The following C2CD3 variants were observed in gnomAD, a reference collection of about 807,000 sequenced individuals.
C2CD3 encodes C2 domain containing 3 centriole elongation regulator.
A neutral mutation model predicts 234.0 loss-of-function variants in C2CD3; 148 were observed. The observed-to-expected ratio is 0.63, with a 90% CI of 0.55 to 0.72. C2CD3 has a LOEUF of 0.72. C2CD3 is among the 30% of genes least tolerant of loss of function. C2CD3 has a pLI of 0.00. For synonymous variants in C2CD3, 1,000 were observed against 1,035.4 expected, an observed-to-expected ratio of 0.97 and a Z score of 0.66; for missense variants, 2,577 against 2,811.5, an observed-to-expected ratio of 0.92 and a Z score of 1.89.
At chr11:74,093,357 A>G (rs894240306) in intron 18 of C2CD3, among the ~76,000 whole-genome samples, 1 of 147,960 alleles carries the variant, frequency 6.8e-6, no homozygotes, top group African/African-American at 2.5e-5. Context: ...TATATAAATT[A>G]TATTATTAAA....
rs770771072 is a variant in C2CD3, at chr11:74,161,485, C to G, written c.397G>C (p.Gly133Arg). The change falls in exon 3 of 33, where the codon GGA becomes CGA. Residue 133 changes from glycine (G) to arginine (R), a missense_variant. Physicochemically the swap from Gly to Arg is moderately radical, Grantham distance 125. Transcript: ENST00000334126. ...TGGGTTGGAGAAAGTTGAGCTAGTC[C>G]ATTGATCTGAACTCTACCAATTGGA... ...GLPIGRVQIN[G>R]LAQLSPTHQI... 1 of 1,600,068 alleles carries G rather than the reference C, an allele frequency of 6.2e-7. No homozygotes were observed. The highest frequency in any genetic ancestry group is 2.3e-5 in the East Asian group (1 of 44,072).
intron 30 of C2CD3, 153 bp from the exon 31 acceptor site, chr11:74,034,431 A>T: frequency 6.5e-7 from 1 of 1,533,678 alleles, no homozygotes; most frequent in Non-Finnish European, 8.8e-7. Context: ...GTGAGACTAT[A>T]TTCAAGGCGG....
At chr11:74,168,206 T>C (rs1301737333) in intron 2 of C2CD3, 138 bp downstream of exon 2, 1 of 677,380 alleles carries the variant, frequency 1.5e-6, no homozygotes, top group Non-Finnish European at 2.5e-6. Flanking sequence ...AAGAAAAATG[T>C]CTACTATAAA....
At chr11:74,013,982 T>C (rs1460653468) in intron 32 of C2CD3, among the ~76,000 whole-genome samples, 1 of 152,162 alleles carries the variant, frequency 6.6e-6, no homozygotes, top group African/African-American at 2.4e-5. Context: ...TAATACACTC[T>C]CTGTTTGGCC....
At chr11:74,027,784 G>A (rs928716949) in intron 32 of C2CD3, among the ~76,000 whole-genome samples, 3 of 152,204 alleles carry the variant, frequency 2.0e-5, no homozygotes, top group Non-Finnish European at 2.9e-5. Flanking sequence ...GAAAGTTCAG[G>A]TGCTCTGCCA....
chr11:74,153,512 C>T (rs187569126), intron 3 of C2CD3, among the ~76,000 whole-genome samples: 1 of 152,038 alleles, frequency 6.6e-6, no homozygotes, highest in African/African-American at 2.4e-5. Context: ...CTGCATGATG[C>T]TAAGTATAAA....
At chr11:74,122,084 T>C (rs1438148088) in intron 8 of C2CD3, among the ~76,000 whole-genome samples, 1 of 152,248 alleles carries the variant, frequency 6.6e-6, no homozygotes, top group African/African-American at 2.4e-5. Flanking sequence ...CTTTCACAGA[T>C]TGGCTGCAAT....
In C2CD3 at chr11:74,092,503, GC is replaced by G. The variant is rs1464025790; in HGVS notation, c.3429del (p.Gln1143HisfsTer15). The G allele has an allele frequency of 1.2e-6, 2 of 1,613,398 alleles. No homozygotes were observed. Among genetic ancestry groups the G allele is most frequent in the East Asian group, 4.5e-5 (2 of 44,866 alleles). On this transcript the variant is annotated frameshift_variant, in exon 19 of 33. Coordinates refer to ENST00000334126, the MANE Select transcript of C2CD3 (RefSeq NM_001286577.2). LOFTEE classifies it high-confidence loss of function. The part of the protein sequence containing the change: ...LSRICAMVTT[Q>X]HREDVGIQTF... ...GTCTGTATTCCCACATCCTCACGAT[GC>G]TGGGTGGTTACCATAGCACAGATCC...
At chr11:74,025,466 A>T (rs1439845891) in intron 32 of C2CD3, among the ~76,000 whole-genome samples, 1 of 152,138 alleles carries the variant, frequency 6.6e-6, no homozygotes, top group African/African-American at 2.4e-5. Flanking sequence ...GGGAGTAAAA[A>T]TATTTAGTAT....
intron 28 of C2CD3, among the ~76,000 whole-genome samples, chr11:74,045,707 G>A (rs1397926895): frequency 6.6e-6 from 1 of 152,012 alleles, no homozygotes; most frequent in Non-Finnish European, 1.5e-5. Flanking sequence ...GAGTAGCTGG[G>A]ACTGCAGGCA....
intron 7 of C2CD3, among the ~76,000 whole-genome samples, chr11:74,125,013 A>G (rs1317724801): frequency 6.6e-6 from 1 of 152,228 alleles, no homozygotes; most frequent in African/African-American, 2.4e-5. Flanking sequence ...CTTCTTAGAC[A>G]TAATTTTAAA....
chr11:74,127,683 A>C (rs1957458585), intron 7 of C2CD3, among the ~76,000 whole-genome samples: 1 of 152,178 alleles, frequency 6.6e-6, no homozygotes, highest in African/African-American at 2.4e-5. Context: ...TGAGGAGTGG[A>C]CAGACTATTT....
At chr11:74,141,098 A>G (rs1958034520) in intron 3 of C2CD3, among the ~76,000 whole-genome samples, 1 of 152,244 alleles carries the variant, frequency 6.6e-6, no homozygotes, top group Non-Finnish European at 1.5e-5. Flanking sequence ...GCACCCAAAG[A>G]CCGTCAAATA....
At position 74,054,407 on chromosome 11, in the gene C2CD3, T is replaced by A. The variant is rs826089; in HGVS notation, c.5155+200A>T. Among the ~76,000 whole-genome samples, 18,077 of 148,212 alleles carry A rather than the reference T, an allele frequency of 0.12. 3,420 individuals carry two copies. Among genetic ancestry groups the A allele is most frequent in the African/African-American group, 0.41 (16,596 of 40,482 alleles). ...GCAAGATCTTGTTCAAAAAAAAAAA[T>A]TTTTTTTTTCTTACAGGAGAATAAT... On this transcript the variant is annotated intron_variant, in intron 26 of 32. Coordinates refer to ENST00000334126, the MANE Select transcript of C2CD3 (RefSeq NM_001286577.2).
chr11:74,138,132 C>A (rs1029772168), intron 5 of C2CD3, among the ~76,000 whole-genome samples: 7 of 152,180 alleles, frequency 4.6e-5, no homozygotes, highest in African/African-American at 1.7e-4. Flanking sequence ...TAATGTAAGT[C>A]AACTGCTTTT....
chr11:74,163,630 G>A (rs988600783), intron 2 of C2CD3, among the ~76,000 whole-genome samples: 3 of 152,106 alleles, frequency 2.0e-5, no homozygotes, highest in Admixed American at 1.3e-4. Flanking sequence ...TGTGAAGGAC[G>A]TGTTTGCTTC....
At chr11:74,124,693 C>T (rs1274845099) in intron 7 of C2CD3, among the ~76,000 whole-genome samples, 1 of 152,212 alleles carries the variant, frequency 6.6e-6, no homozygotes, top group African/African-American at 2.4e-5. Context: ...GCAGCTTCTG[C>T]AGCCCAGGAG....
chr11:74,126,577 T>C (rs916398543), intron 7 of C2CD3, among the ~76,000 whole-genome samples: 4 of 152,060 alleles, frequency 2.6e-5, no homozygotes, highest in Non-Finnish European at 5.9e-5. Flanking sequence ...ACCCCATCTC[T>C]ACTAAAGATA....
chr11:74,125,535 A>G (rs763082886), intron 7 of C2CD3, among the ~76,000 whole-genome samples: 5 of 152,150 alleles, frequency 3.3e-5, no homozygotes, highest in African/African-American at 4.8e-5. Flanking sequence ...TGAACTTCCT[A>G]TTATGAAAAA....
Sources: allele counts gnomAD v4.1 joint callset (sites outside exome capture counted in the v4.1 genomes callset), GRCh38; gene constraint gnomAD v4.1.1; transcripts MANE v1.5; gene names NCBI Gene and HGNC (gene_info 2026-07-23, HGNC 2026-07-21).